SOX5: variants seen among roughly 807,000 people sequenced by gnomAD.
The protein encoded by SOX5 is transcription factor SOX-5.
SOX5 carries 9 observed loss-of-function variants against 92.0 expected under a neutral mutation model. The observed-to-expected ratio is 0.10, with a 90% CI of 0.06 to 0.17. The LOEUF (loss-of-function observed/expected upper bound fraction) is 0.17. Among genes scored for constraint, SOX5 ranks in the 10% least tolerant of loss-of-function variants. The probability of loss-of-function intolerance (pLI) is 1.00; values close to 1 mark genes in which losing one functional copy is unlikely to be tolerated. For missense variants in SOX5, 642 were observed against 944.5 expected (o/e 0.68, Z 4.20); for synonymous variants, 344 against 336.3 (o/e 1.02, Z -0.25).
intron 3 of SOX5, among the ~76,000 whole-genome samples, chr12:23,818,871 T>A (rs2096052741): frequency 6.6e-6 from 1 of 152,130 alleles, no homozygotes; most frequent in Admixed American, 6.6e-5. Flanking sequence ...GCCAGAATCT[T>A]CAATACCACC....
chr12:24,418,498 G>A (rs1289922921), intron 1 of SOX5, among the ~76,000 whole-genome samples: 1 of 152,222 alleles, frequency 6.6e-6, no homozygotes, highest in Non-Finnish European at 1.5e-5. Context: ...CTGTTAAAGA[G>A]AGCCACTGGA....
chr12:23,729,975 G>A (rs902306331), intron 6 of SOX5, among the ~76,000 whole-genome samples: 33 of 152,030 alleles, frequency 2.2e-4, no homozygotes, highest in African/African-American at 8.0e-4. Flanking sequence ...AAGATGACAG[G>A]AAACTTAGGT....
intron 3 of SOX5, among the ~76,000 whole-genome samples, chr12:23,756,325 C>T (rs569339545): frequency 6.6e-6 from 1 of 151,754 alleles, no homozygotes; most frequent in East Asian, 1.9e-4. Context: ...ATAATGGAAA[C>T]CTATTATTTG....
At chr12:24,133,078 G>A (rs1344772241) in intron 4 of SOX5, among the ~76,000 whole-genome samples, 3 of 152,158 alleles carry the variant, frequency 2.0e-5, no homozygotes, top group Non-Finnish European at 4.4e-5. Context: ...CAACACTGCA[G>A]TAAAAAATAA....
chr12:24,141,397 G>C, intron 4 of SOX5, among the ~76,000 whole-genome samples: 1 of 152,202 alleles, frequency 6.6e-6, no homozygotes, highest in Non-Finnish European at 1.5e-5. Context: ...TTGACAGGAA[G>C]TTAGAAGGTT....
intron 3 of SOX5, among the ~76,000 whole-genome samples, chr12:23,840,502 G>C (rs888389386): frequency 1.3e-5 from 2 of 152,024 alleles, no homozygotes; most frequent in Non-Finnish European, 2.9e-5. Context: ...TACAAGAAAA[G>C]GTAACAGACC....
intron 1 of SOX5, among the ~76,000 whole-genome samples, chr12:23,897,575 C>T (rs2097190071): frequency 6.6e-6 from 1 of 151,946 alleles, no homozygotes. Flanking sequence ...ATATAATAGC[C>T]CGTGTTTATT....
At chr12:24,042,703 T>C (rs1956639411) in intron 4 of SOX5, among the ~76,000 whole-genome samples, 1 of 152,152 alleles carries the variant, frequency 6.6e-6, no homozygotes. Flanking sequence ...GGTCAAGATA[T>C]TTTATTTCAC....
At chr12:23,622,063 G>A (rs933575576) in intron 8 of SOX5, among the ~76,000 whole-genome samples, 4 of 152,062 alleles carry the variant, frequency 2.6e-5, no homozygotes, top group Admixed American at 1.3e-4. Context: ...TTGGTGTATC[G>A]AGACATGCCT....
intron 8 of SOX5, among the ~76,000 whole-genome samples, chr12:23,635,404 A>C (rs1210183647): frequency 3.9e-5 from 6 of 152,186 alleles, no homozygotes; most frequent in African/African-American, 1.4e-4. Flanking sequence ...CATTCTGAGC[A>C]AACTATTGCA....
chr12:23,540,383 A>G (rs1941721048), intron 13 of SOX5, among the ~76,000 whole-genome samples: 1 of 146,802 alleles, frequency 6.8e-6, no homozygotes. Flanking sequence ...AATAATAATA[A>G]TAATAATAAT....
At chr12:24,039,231 C>T (rs1956306802) in intron 4 of SOX5, among the ~76,000 whole-genome samples, 2 of 152,236 alleles carry the variant, frequency 1.3e-5, no homozygotes, top group South Asian at 4.1e-4. Flanking sequence ...CGAAAAAACA[C>T]ACAGATTCAA....
intron 11 of SOX5, among the ~76,000 whole-genome samples, chr12:23,548,240 C>T (rs539800525): frequency 6.6e-6 from 1 of 151,974 alleles, no homozygotes; most frequent in Admixed American, 6.6e-5. Flanking sequence ...AGAAAAAGAA[C>T]GACACGTTAA....
At chr12:24,468,012 A>C (rs967052535) in intron 1 of SOX5, among the ~76,000 whole-genome samples, 3 of 152,168 alleles carry the variant, frequency 2.0e-5, no homozygotes, top group African/African-American at 4.8e-5. Flanking sequence ...TTTCAAGTGG[A>C]AATGGGCAAC....
chr12:24,126,386 CT>C (rs1949107662), intron 4 of SOX5, among the ~76,000 whole-genome samples: 1 of 152,172 alleles, frequency 6.6e-6, no homozygotes, highest in Admixed American at 6.5e-5. Flanking sequence ...CTCGGCATTC[CT>C]TATTTCAGTA....
At chr12:24,043,318 G>A (rs921701238) in intron 4 of SOX5, among the ~76,000 whole-genome samples, 1 of 152,124 alleles carries the variant, frequency 6.6e-6, no homozygotes, top group Non-Finnish European at 1.5e-5. Context: ...CCTTGCACGC[G>A]TAAGCATTGA....
chr12:24,360,674 T>C (rs1021803491), intron 2 of SOX5, among the ~76,000 whole-genome samples: 7 of 152,228 alleles, frequency 4.6e-5, no homozygotes, highest in African/African-American at 1.7e-4. Flanking sequence ...ACTGTAGTTC[T>C]GAGATCTTAG....
intron 2 of SOX5, among the ~76,000 whole-genome samples, chr12:23,870,818 A>C (rs1293841685): frequency 2.0e-5 from 3 of 152,074 alleles, no homozygotes; most frequent in Admixed American, 2.0e-4. Context: ...CTGATCGTTC[A>C]AGTTTTTTTC....
At chr12:24,101,678 A>G (rs1210056434) in intron 4 of SOX5, among the ~76,000 whole-genome samples, 1 of 152,110 alleles carries the variant, frequency 6.6e-6, no homozygotes, top group Non-Finnish European at 1.5e-5. Flanking sequence ...CAAAATTAAT[A>G]TTGACTCTTT....
Sources: allele counts gnomAD v4.1 joint callset (sites outside exome capture counted in the v4.1 genomes callset), GRCh38; gene constraint gnomAD v4.1.1; transcripts MANE v1.5; gene names NCBI Gene and HGNC (gene_info 2026-07-23, HGNC 2026-07-21).